Variants in CFAP61 observed in about 807,000 individuals in gnomAD.
CFAP61 encodes the protein cilia and flagella associated protein 61, also known as cilia- and flagella-associated protein 61.
A neutral mutation model predicts 135.6 loss-of-function variants in CFAP61; 107 were observed. The ratio of observed to expected loss-of-function variants is 0.79; its 90% confidence interval spans 0.67 to 0.93. The LOEUF is 0.93. Among genes scored for constraint, CFAP61 ranks in the 40% least tolerant of loss-of-function variants. CFAP61 has a pLI of 0.00. For synonymous variants in CFAP61, 575 were observed against 578.5 expected (o/e 0.99, Z 0.09); for missense variants, 1,507 against 1,556.2 (o/e 0.97, Z 0.53).
At chr20:20,270,581 C>T (rs1170564753) in intron 21 of CFAP61, among the ~76,000 whole-genome samples, 1 of 152,082 alleles carries the variant, frequency 6.6e-6, no homozygotes, top group African/African-American at 2.4e-5. Flanking sequence ...ACTCCTGAAA[C>T]TCTTACATAC....
chr20:20,234,054 C>T (rs989853012), intron 18 of CFAP61, among the ~76,000 whole-genome samples: 3 of 152,162 alleles, frequency 2.0e-5, no homozygotes, highest in African/African-American at 7.2e-5. Flanking sequence ...CAAATAATGA[C>T]ATTGGTACCT....
At chr20:20,333,945 C>T (rs992586892) in intron 25 of CFAP61, among the ~76,000 whole-genome samples, 3 of 152,216 alleles carry the variant, frequency 2.0e-5, no homozygotes, top group East Asian at 1.9e-4. Context: ...GATTTCCCTC[C>T]GAGACAGCTC....
intron 24 of CFAP61, among the ~76,000 whole-genome samples, chr20:20,297,820 T>C (rs1372974029): frequency 2.0e-5 from 3 of 152,248 alleles, no homozygotes; most frequent in African/African-American, 7.2e-5. Flanking sequence ...AAAACGATGC[T>C]GTGAAAGCAA....
chr20:20,320,331 TATA>T (rs2057381856), intron 25 of CFAP61, among the ~76,000 whole-genome samples: 1 of 98,372 alleles, frequency 1.0e-5, no homozygotes, highest in Non-Finnish European at 2.0e-5. Flanking sequence ...TAGATATATA[TATA>T]TTATATATAT....
intron 7 of CFAP61, among the ~76,000 whole-genome samples, chr20:20,097,329 G>A (rs367903959): frequency 2.0e-5 from 3 of 152,144 alleles, no homozygotes; most frequent in Non-Finnish European, 4.4e-5. Flanking sequence ...TTTCTAATAA[G>A]AGCTATCAGA....
At chr20:20,315,403 ATTTG>A (rs1314621037) in intron 25 of CFAP61, among the ~76,000 whole-genome samples, 1 of 151,812 alleles carries the variant, frequency 6.6e-6, no homozygotes, top group Non-Finnish European at 1.5e-5. Context: ...TTTCTTGTAA[ATTTG>A]TTTGAGTTCA....
intron 20 of CFAP61, among the ~76,000 whole-genome samples, chr20:20,257,180 T>C (rs1343564089): frequency 1.3e-5 from 2 of 152,192 alleles, no homozygotes; most frequent in African/African-American, 4.8e-5. Context: ...AAAGTGGTGA[T>C]TCAGTAATTA....
intron 25 of CFAP61, among the ~76,000 whole-genome samples, chr20:20,340,868 G>C (rs1257007760): frequency 2.6e-5 from 4 of 152,136 alleles, no homozygotes; most frequent in Non-Finnish European, 5.9e-5. Context: ...TGGGCGTGGG[G>C]TGAGGCCTGA....
chr20:20,357,886 G>A (rs1314424961), intron 26 of CFAP61, among the ~76,000 whole-genome samples: 6 of 143,448 alleles, frequency 4.2e-5, no homozygotes, highest in Admixed American at 2.1e-4. Flanking sequence ...AGGGGAGGTG[G>A]TCATAGTGTG....
intron 24 of CFAP61, among the ~76,000 whole-genome samples, chr20:20,293,055 A>G (rs868006197): frequency 6.6e-6 from 1 of 152,216 alleles, no homozygotes; most frequent in Non-Finnish European, 1.5e-5. Flanking sequence ...GGTAAATAGG[A>G]TAAAGCCCAG....
intron 10 of CFAP61, among the ~76,000 whole-genome samples, 159 bp from the exon 11 acceptor site, chr20:20,163,891 C>A (rs1195759036): frequency 1.3e-5 from 2 of 152,028 alleles, no homozygotes; most frequent in African/African-American, 4.8e-5. Flanking sequence ...CATTAAGAAC[C>A]TCTCCTTAAA....
At chr20:20,115,205 T>C (rs1326451636) in intron 8 of CFAP61, among the ~76,000 whole-genome samples, 1 of 152,080 alleles carries the variant, frequency 6.6e-6, no homozygotes, top group African/African-American at 2.4e-5. Flanking sequence ...TTGCCAGACT[T>C]TGGAAATGAA....
At chr20:20,080,378 A>G (rs1356612617) in intron 6 of CFAP61, among the ~76,000 whole-genome samples, 1 of 152,196 alleles carries the variant, frequency 6.6e-6, no homozygotes, top group Non-Finnish European at 1.5e-5. Flanking sequence ...CCTAACCATC[A>G]TGTAGCTCTA....
At chr20:20,174,464 A>G (rs1463816735) in intron 13 of CFAP61, among the ~76,000 whole-genome samples, 3 of 152,268 alleles carry the variant, frequency 2.0e-5, no homozygotes, top group East Asian at 1.9e-4. Flanking sequence ...AACAGAAAGC[A>G]TAGATCTCCT....
At chr20:20,146,758 T>C (rs2051918791) in intron 9 of CFAP61, among the ~76,000 whole-genome samples, 1 of 152,196 alleles carries the variant, frequency 6.6e-6, no homozygotes, top group South Asian at 2.1e-4. Flanking sequence ...TGAAGAACAA[T>C]ACTGTCTTTT....
At chr20:20,143,058 C>G in intron 9 of CFAP61, 110 bp downstream of exon 9, 2 of 658,412 alleles carry the variant, frequency 3.0e-6, no homozygotes, top group Non-Finnish European at 5.3e-6. Context: ...GTTCTAATGC[C>G]TGATGCAGAA....
In CFAP61 at chr20:20,151,846, A is replaced by G. The variant is rs569958889; in HGVS notation, c.952-7524A>G. Among the ~76,000 whole-genome samples the G allele has an allele frequency of 1.6e-4, 24 of 150,962 alleles. No individual in the cohort carries two copies. The South Asian group carries it at 4.0e-3, about 25-fold the overall frequency. Reference sequence around the variant, plus strand: ...CTCCGTCTCAAAAAAAAAAAAAAAAAAAGAAGCTCAAAGAACATCTGGGAA... The same window carrying G: ...CTCCGTCTCAAAAAAAAAAAAAAAAGAAGAAGCTCAAAGAACATCTGGGAA... On this transcript the variant is annotated intron_variant, in intron 9 of 26. Coordinates refer to ENST00000245957, the MANE Select transcript of CFAP61 (RefSeq NM_015585.4).
At chr20:20,177,803 G>A (rs2054750601) in intron 13 of CFAP61, among the ~76,000 whole-genome samples, 1 of 32,716 alleles carries the variant, frequency 3.1e-5, no homozygotes. Context: ...TGCTGAGTGG[G>A]AGAGGGGCTG....
intron 2 of CFAP61, among the ~76,000 whole-genome samples, chr20:20,065,555 C>A (rs2045184692): frequency 6.6e-6 from 1 of 150,712 alleles, no homozygotes; most frequent in African/African-American, 2.4e-5. Flanking sequence ...TTATATTAGG[C>A]AACTCCTGTC....
Sources: gnomAD v4.1 joint callset for allele counts (sites outside exome capture counted in the v4.1 genomes callset) on GRCh38, gnomAD v4.1.1 for gene constraint, MANE v1.5 for transcripts, NCBI Gene and HGNC (gene_info 2026-07-23, HGNC 2026-07-21) for gene names.